Variants in TNRC6A observed in about 807,000 individuals in gnomAD.
TNRC6A encodes the protein trinucleotide repeat containing adaptor 6A.
A neutral mutation model predicts 221.2 loss-of-function variants in TNRC6A; 44 were observed. The observed-to-expected ratio is 0.20, with a 90% CI of 0.16 to 0.26. The LOEUF is 0.26. Ranked by LOEUF, TNRC6A falls within the 10% of genes least tolerant of loss-of-function variation. The pLI, the probability that TNRC6A is intolerant of heterozygous loss-of-function variation, is 1.00. For missense variants in TNRC6A, 2,199 were observed against 2,404.4 expected, an observed-to-expected ratio of 0.91 and a Z score of 1.79; for synonymous variants, 847 against 838.5, an observed-to-expected ratio of 1.01 and a Z score of -0.18.
intron 2 of TNRC6A, among the ~76,000 whole-genome samples, chr16:24,678,274 A>G (rs1459818725): frequency 1.3e-5 from 2 of 150,904 alleles, no homozygotes; most frequent in African/African-American, 2.4e-5. Flanking sequence ...TCGTGCCACT[A>G]CACTCCAGCC....
In TNRC6A at chr16:24,791,248, C is replaced by T; in HGVS notation, c.2606C>T (p.Ala869Val). Residue 869 changes from alanine to valine, a missense_variant, in exon 6 of 25, where the codon GCC (alanine) becomes GTC (valine). Around this residue, in one of 8 missense-constraint regions of TNRC6A, gnomAD observed 1,405 missense variants for 1,400.2 expected, o/e 1.00. Coordinates refer to ENST00000395799, the MANE Select transcript of TNRC6A (RefSeq NM_014494.4). ...ETSRNNHWGE[A>V]NKKSSSGGSD... ...TCAAGGAATAACCATTGGGGTGAGG[C>T]CAATAAGAAATCCAGCTCAGGAGGT... The T allele has an allele frequency of 6.2e-7, 1 of 1,614,090 alleles. No individual in the cohort carries two copies. Among genetic ancestry groups the T allele is most frequent in the Non-Finnish European group, 8.5e-7 (1 of 1,180,000 alleles).
At chr16:24,657,088 G>A (rs2054927042) in intron 2 of TNRC6A, among the ~76,000 whole-genome samples, 1 of 151,862 alleles carries the variant, frequency 6.6e-6, no homozygotes, top group Non-Finnish European at 1.5e-5. Flanking sequence ...CAAGGCAAAA[G>A]AATCACTTGA....
At chr16:24,696,344 T>C (rs2055859707) in intron 2 of TNRC6A, among the ~76,000 whole-genome samples, 2 of 65,752 alleles carry the variant, frequency 3.0e-5, no homozygotes, top group South Asian at 7.6e-4. Flanking sequence ...TCAGACTCCA[T>C]CTCAAAAAAA....
intron 4 of TNRC6A, among the ~76,000 whole-genome samples, chr16:24,771,195 A>T (rs531347348): frequency 6.6e-6 from 1 of 152,336 alleles, no homozygotes; most frequent in South Asian, 2.1e-4. Flanking sequence ...TAACTCACTT[A>T]AAATATTTGT....
rs766154125 is a variant in TNRC6A, at chr16:24,820,320, A to T, written c.5262A>T (p.Ile1754=). Residue 1754 remains isoleucine, a synonymous_variant, in exon 22 of 25, where the codon ATA becomes ATT. Coordinates refer to ENST00000395799, the MANE Select transcript of TNRC6A (RefSeq NM_014494.4). ...LSTWDNSPLR[I]GGGWGNSDAR... is the part of the protein sequence containing the mutation. ...CGTGGGATAATTCTCCCCTTCGTATAGGTGGAGGATGGGGAAATTCTGACG... is the reference window on the plus strand; with the variant it reads ...CGTGGGATAATTCTCCCCTTCGTATTGGTGGAGGATGGGGAAATTCTGACG... 11 of 1,614,076 alleles carry T rather than the reference A, an allele frequency of 6.8e-6. No homozygotes were observed. Among genetic ancestry groups the T allele is most frequent in the Middle Eastern group, 1.6e-4 (1 of 6,084 alleles).
At chr16:24,626,418 A>G (rs936751976) in intron 1 of TNRC6A, among the ~76,000 whole-genome samples, 4 of 152,144 alleles carry the variant, frequency 2.6e-5, no homozygotes, top group African/African-American at 9.6e-5. Context: ...ACTCATTGCA[A>G]TGTATCTGAA....
intron 1 of TNRC6A, among the ~76,000 whole-genome samples, chr16:24,615,662 G>A (rs948351050): frequency 6.6e-6 from 1 of 152,176 alleles, no homozygotes; most frequent in Non-Finnish European, 1.5e-5. Flanking sequence ...ATCTTGGAGA[G>A]GGGGAATGAA....
intron 5 of TNRC6A, chr16:24,778,498 T>C (rs2057773336): frequency 1.0e-6 from 1 of 985,308 alleles, no homozygotes; most frequent in Non-Finnish European, 1.2e-6. Context: ...CACATTGTTA[T>C]TGGAAAGGAT....
At chr16:24,818,844 C>T (rs2058708111) in intron 21 of TNRC6A, 144 bp downstream of exon 21, 4 of 692,550 alleles carry the variant, frequency 5.8e-6, no homozygotes, top group South Asian at 1.7e-5. Context: ...TTTAACATCC[C>T]TTACTCCTTT....
intron 2 of TNRC6A, among the ~76,000 whole-genome samples, chr16:24,641,396 G>C (rs1016638190): frequency 6.6e-6 from 1 of 152,114 alleles, no homozygotes; most frequent in African/African-American, 2.4e-5. Context: ...GAAGGGACAC[G>C]GGGAGACCAG....
chr16:24,736,578 A>G (rs1434037386), intron 2 of TNRC6A, among the ~76,000 whole-genome samples: 1 of 152,086 alleles, frequency 6.6e-6, no homozygotes, highest in Non-Finnish European at 1.5e-5. Context: ...AGTCCAGTCT[A>G]GTTGTTTTTG....
chr16:24,657,340 A>AAAC (rs1555485773), intron 2 of TNRC6A, among the ~76,000 whole-genome samples: 6,179 of 112,204 alleles, frequency 0.055, 326 homozygotes, highest in East Asian at 0.093. Context: ...AAAAAAAAAA[A>AAAC]AACAAACAAA....
rs192011589 is a variant in TNRC6A at position 24,649,324 on chromosome 16, T to G, written n.402+8315T>G. 4.5e-3 allele frequency among the ~76,000 whole-genome samples: 673 copies of G among 151,070 alleles called. 2 individuals carry two copies. The highest frequency in any genetic ancestry group is 7.7e-3 in the Non-Finnish European group (521 of 68,030). On this transcript the variant is annotated intron_variant and non_coding_transcript_variant, in intron 2 of 2. Transcript: ENST00000566108. Reference sequence around the variant, plus strand: ...GTTTTGTTTTGTTTTGTTTTGTTTTTTTGAGACAGGGTCTCACTCTGTGGC... The same window carrying G: ...GTTTTGTTTTGTTTTGTTTTGTTTTGTTGAGACAGGGTCTCACTCTGTGGC...
chr16:24,807,497 G>A (rs190763941), intron 17 of TNRC6A, among the ~76,000 whole-genome samples: 2 of 152,300 alleles, frequency 1.3e-5, no homozygotes, highest in African/African-American at 4.8e-5. Flanking sequence ...TGAAACAGCT[G>A]GGGATGGTCA....
At chr16:24,689,530 A>G (rs1460547658) in intron 2 of TNRC6A, among the ~76,000 whole-genome samples, 1 of 152,218 alleles carries the variant, frequency 6.6e-6, no homozygotes, top group Non-Finnish European at 1.5e-5. Context: ...ATTTAGGAAT[A>G]TTCATTCATT....
At chr16:24,761,820 C>G (rs913464458) in intron 4 of TNRC6A, among the ~76,000 whole-genome samples, 2 of 152,132 alleles carry the variant, frequency 1.3e-5, no homozygotes, top group Non-Finnish European at 2.9e-5. Context: ...CGTGAGCCAC[C>G]GCAGCTGGCT....
intron 1 of TNRC6A, among the ~76,000 whole-genome samples, chr16:24,613,739 T>A (rs957593720): frequency 2.6e-5 from 4 of 152,064 alleles, no homozygotes; most frequent in Non-Finnish European, 5.9e-5. Context: ...TTTCGCCATG[T>A]TGGCCAGGCT....
intron 1 of TNRC6A, among the ~76,000 whole-genome samples, chr16:24,611,880 G>A (rs988981430): frequency 6.6e-6 from 1 of 152,032 alleles, no homozygotes; most frequent in African/African-American, 2.4e-5. Context: ...ATCACCTGAG[G>A]TCAGGAGTTC....
chr16:24,797,644 A>T, intron 10 of TNRC6A, 74 bp downstream of exon 10: 1 of 1,287,996 alleles, frequency 7.8e-7, no homozygotes. Context: ...CACTCTTTTT[A>T]AGAATTATTT....
Sources: allele counts gnomAD v4.1 joint callset (sites outside exome capture counted in the v4.1 genomes callset), GRCh38; gene constraint gnomAD v4.1.1; regional missense constraint gnomAD v4.1.1; transcripts MANE v1.5; gene names NCBI Gene and HGNC (gene_info 2026-07-23, HGNC 2026-07-21).